Variants in APEH observed in about 807,000 individuals in gnomAD.
The protein encoded by APEH is acylaminoacyl-peptide hydrolase.
Under a neutral mutation model 102.7 loss-of-function variants are expected in APEH, and 75 were observed. The observed-to-expected ratio is 0.73, with a 90% CI of 0.61 to 0.89. The LOEUF (loss-of-function observed/expected upper bound fraction) is 0.89. Ranked by LOEUF, APEH falls within the 40% of genes least tolerant of loss-of-function variation. APEH has a pLI of 0.00. For synonymous variants in APEH, 344 were observed against 362.7 expected (o/e 0.95, Z 0.59); for missense variants, 863 against 941.2 (o/e 0.92, Z 1.09).
chr3:49,674,759 C>G lies in APEH; in HGVS notation c.145+138C>G. On this transcript the variant is annotated intron_variant, in intron 2 of 21. Coordinates refer to ENST00000296456, the MANE Select transcript of APEH (RefSeq NM_001640.4). ...CCTGGACTTGGAGGTTACACTCCCA[C>G]AGGTCCCTGCACACAGGTGTGTGGA... 3 of 1,216,824 alleles carry G rather than the reference C, an allele frequency of 2.5e-6. No homozygotes were observed. The South Asian group carries it at 4.4e-5, about 18-fold the overall frequency. 75.4% of individuals were successfully genotyped at this position (1,216,824 alleles called of 1,614,324 possible).
At chr3:49,674,241 C>G (rs982052212), upstream of APEH, 2 of 931,200 alleles carry the variant, frequency 2.1e-6, no homozygotes, top group Admixed American at 3.0e-5. Context: ...AAGGCCCGCC[C>G]CCTGCCAACG....
At chr3:49,677,655 G>T (rs1168324187) in intron 11 of APEH, 22 bp downstream of exon 11, 1 of 1,596,320 alleles carries the variant, frequency 6.3e-7, no homozygotes, top group Admixed American at 1.7e-5. Flanking sequence ...CTGGCTGGGT[G>T]GGTGCAGTGG....
At position 49,675,221 on chromosome 3, in the gene APEH, C is replaced by T. The variant is rs577640330; in HGVS notation, c.184C>T (p.Arg62Ter). ...QRDLERMENI[R>*]FCRQYLVFHD... ...GGACCTGGAACGCATGGAGAACATT[C>T]GATTCTGCCGCCAATACCTGGTGTT... Residue 62 changes from arginine to a stop codon, truncating the protein, a stop_gained, in exon 3 of 22, where the codon CGA becomes TGA. Transcript: ENST00000296456. LOFTEE classifies it high-confidence loss of function. The T allele has an allele frequency of 6.2e-6, 10 of 1,613,992 alleles. No homozygotes were observed. The highest frequency in any genetic ancestry group is 4.4e-5 in the South Asian group (4 of 91,062).
intron 10 of APEH, 39 bp from the exon 11 acceptor site, chr3:49,677,534 C>A: frequency 6.3e-7 from 1 of 1,582,808 alleles, no homozygotes; most frequent in East Asian, 2.2e-5. Flanking sequence ...AGGGAACTGC[C>A]TGTCCCCTAC....
Position 49,674,432 on chromosome 3 carries a change from G to A in APEH, c.12+19G>A. ...ACGTCAGGTGAGGGCTCGGCCCGCG[G>A]TCCCCGTGGTCCCTGCAGCCCGGGC... On this transcript the variant is annotated intron_variant, in intron 1 of 21. Transcript: ENST00000296456. 1.3e-6 allele frequency: 2 copies of A among 1,571,976 alleles called. No homozygotes were observed. Among genetic ancestry groups the A allele is most frequent in the Non-Finnish European group, 1.7e-6 (2 of 1,165,286 alleles).
intron 6 of APEH, 50 bp downstream of exon 6, chr3:49,676,269 G>C: frequency 6.2e-7 from 1 of 1,611,424 alleles, no homozygotes; most frequent in Non-Finnish European, 8.5e-7. Flanking sequence ...CTGGGGCTCA[G>C]TGTGCTCCCT....
In APEH at chr3:49,682,854, AG is replaced by A. The variant is rs1457218580; in HGVS notation, c.1897del (p.Ala633LeufsTer31). 1 of 1,614,048 alleles carries A rather than the reference AG, an allele frequency of 6.2e-7. No homozygotes were observed. The highest frequency in any genetic ancestry group is 8.5e-7 in the Non-Finnish European group (1 of 1,180,026). On this transcript the variant is annotated frameshift_variant, in exon 20 of 22. Transcript: ENST00000296456. LOFTEE classifies it high-confidence loss of function. ...TCGGTGTCTTGCAGGTGCGTGGTGG[AG>A]GCTGGCTTTCCTTTCAGCAGTGACT... ...STDIPDWCVV[E>X]AGFPFSSDCL...
Position 49,677,557 on chromosome 3 carries a change from T to C in APEH, c.1000-16T>C, listed in dbSNP as rs1260568565. The C allele has an allele frequency of 2.5e-6, 4 of 1,608,450 alleles. No homozygotes were observed. The highest frequency in any genetic ancestry group is 3.4e-6 in the Non-Finnish European group (4 of 1,175,184). ...GCCTGTCCCCTACTGGACCTGACCA[T>C]TGTGTTCTCTTGCAGTATGACTGGT... On this transcript the variant is annotated splice_polypyrimidine_tract_variant and intron_variant, in intron 10 of 21. Transcript: ENST00000296456.
Position 49,682,711 on chromosome 3 carries a change from T to G in APEH, c.1858T>G (p.Leu620Val), listed in dbSNP as rs150481694. Residue 620 changes from leucine to valine, a missense_variant, in exon 19 of 22, where the codon TTG becomes GTG. Coordinates refer to ENST00000296456, the MANE Select transcript of APEH (RefSeq NM_001640.4). ...RNPVINIASM[L>V]GSTDIPDWCV... is the part of the protein sequence containing the mutation. ...CCCCGTGATCAACATCGCCTCCATG[T>G]TGGGCTCCACTGACATCCCTGACTG... 2 of 1,613,848 alleles carry G rather than the reference T, an allele frequency of 1.2e-6. No homozygotes were observed. The highest frequency in any genetic ancestry group is 1.7e-6 in the Non-Finnish European group (2 of 1,180,008).
chr3:49,680,741 G>T, intron 14 of APEH, 112 bp downstream of exon 14: 1 of 979,392 alleles, frequency 1.0e-6, no homozygotes, highest in Non-Finnish European at 1.6e-6. Context: ...ATACAGACGG[G>T]CCAAGACACA....
Position 49,681,112 on chromosome 3 carries a change from C to T in APEH, c.1311C>T (p.Phe437=), listed in dbSNP as rs2053298592. ...PSLPPTLKVG[F]LPSAGKEQSV... The stretch of plus-strand genomic sequence containing the variant: ...TTTCCCCTTGGCAGAAAGTTGGGTT[C>T]CTGCCTTCTGCAGGGAAGGAGCAGT... The change falls in exon 15 of 22, where the codon TTC becomes TTT. Residue 437 remains phenylalanine, a synonymous_variant. Coordinates refer to ENST00000296456, the MANE Select transcript of APEH (RefSeq NM_001640.4). 1.3e-6 allele frequency: 2 copies of T among 1,586,854 alleles called. No homozygotes were observed. The highest frequency in any genetic ancestry group is 1.7e-6 in the Non-Finnish European group (2 of 1,166,110).
chr3:49,683,055 T>C lies in APEH; in HGVS notation c.2002T>C (p.Leu668=). Residue 668 remains leucine, a synonymous_variant, in exon 21 of 22, where the codon TTA becomes CTA. Transcript: ENST00000296456. ...AAACACCCAGGTGAAGACACCACTG[T>C]TACTGATGTTGGGCCAGGAGGACCG... ...RYIPQVKTPL[L]LMLGQEDRRV... The C allele has an allele frequency of 6.2e-7, 1 of 1,613,996 alleles. No homozygotes were observed. The highest frequency in any genetic ancestry group is 8.5e-7 in the Non-Finnish European group (1 of 1,179,972).
chr3:49,680,471 C>G, intron 13 of APEH, 70 bp from the exon 14 acceptor site: 1 of 1,399,506 alleles, frequency 7.1e-7, no homozygotes, highest in Non-Finnish European at 1.0e-6. Context: ...GCCTGGGACT[C>G]TGTTACAGAG....
chr3:49,683,474 C>T lies in APEH; in HGVS notation c.*132C>T. 1 of 749,734 alleles carries T rather than the reference C, an allele frequency of 1.3e-6. No homozygotes were observed. The highest frequency in any genetic ancestry group is 2.3e-6 in the Non-Finnish European group (1 of 442,616). The allele number at this position is 749,734 out of a possible 1,614,324, so 46.4% of individuals were successfully genotyped here. On this transcript the variant is annotated 3_prime_UTR_variant, in exon 22 of 22. Transcript: ENST00000296456. ...GGATGCGTGGGCAGAGGAATGTGGG[C>T]TATGTAGTCATAATAAATTAGGACA...
rs369889252 is a variant in APEH at position 49,682,936 on chromosome 3, C to T, written c.1977C>T (p.Tyr659=). ...TGCTGGACAAATCGCCCATCAGATA[C>T]ATCCCTCAGGTATGCAGCCCCCTCC... ...AEMLDKSPIR[Y]IPQVKTPLLL... Residue 659 remains tyrosine, a synonymous_variant, in exon 20 of 22, where the codon TAC becomes TAT. Transcript: ENST00000296456. 6.2e-6 allele frequency: 10 copies of T among 1,613,768 alleles called. No individual in the cohort carries two copies. The highest frequency in any genetic ancestry group is 5.0e-5 in the Admixed American group (3 of 59,980).
At position 49,681,891 on chromosome 3, in the gene APEH, G is replaced by T. The variant is rs201882129; in HGVS notation, c.1527G>T (p.Gly509=). ...CCCTCCGCTCCCTGTCTGCAGGGGGGCCCCATTCATCCTTTGTCACTGCCT... is the reference window on the plus strand; with the variant it reads ...CCCTCCGCTCCCTGTCTGCAGGGGGTCCCCATTCATCCTTTGTCACTGCCT... ...QVPMVVMPHG[G]PHSSFVTAWM... is the part of the protein sequence containing the mutation. The change falls in exon 17 of 22, where the codon GGG becomes GGT. Residue 509 remains glycine (G), a synonymous_variant. Transcript: ENST00000296456. The T allele has an allele frequency of 2.5e-6, 4 of 1,614,068 alleles. No homozygotes were observed. The highest frequency in any genetic ancestry group is 2.2e-5 in the East Asian group (1 of 44,874).
At chr3:49,674,454 G>A in intron 1 of APEH, 35 bp from the exon 2 acceptor site, 3 of 1,570,064 alleles carry the variant, frequency 1.9e-6, no homozygotes, top group East Asian at 2.3e-5. Context: ...CCTGCAGCCC[G>A]GGCCGGGCCT....
At position 49,676,648 on chromosome 3, in the gene APEH, G is replaced by T; in HGVS notation, c.784G>T (p.Gly262Cys). 1 of 1,614,252 alleles carries T rather than the reference G, an allele frequency of 6.2e-7. No homozygotes were observed. Among genetic ancestry groups the T allele is most frequent in the African/African-American group, 1.3e-5 (1 of 75,072 alleles). ...TGGAGATGCTGGTGTGGTGTTTGTGGGCTGGTGGCATGAGCCCTTCCGGTT... is the reference window on the plus strand; with the variant it reads ...TGGAGATGCTGGTGTGGTGTTTGTGTGCTGGTGGCATGAGCCCTTCCGGTT... ...APGDAGVVFV[G>C]WWHEPFRLGI... is the part of the protein sequence containing the mutation. The change falls in exon 8 of 22, where the codon GGC becomes TGC. Residue 262 changes from glycine (G) to cysteine (C), a missense_variant. Gly to Cys is a radical substitution (Grantham distance 159). Coordinates refer to ENST00000296456, the MANE Select transcript of APEH (RefSeq NM_001640.4).
intron 5 of APEH, 35 bp downstream of exon 5, chr3:49,676,001 C>CA: frequency 6.2e-7 from 1 of 1,614,160 alleles, no homozygotes; most frequent in Non-Finnish European, 8.5e-7. Flanking sequence ...GCAGGGTGGA[C>CA]AGGAGGGGTA....
Sources: allele counts gnomAD v4.1 joint callset, GRCh38; gene constraint gnomAD v4.1.1; transcripts MANE v1.5; gene names NCBI Gene and HGNC (gene_info 2026-07-23, HGNC 2026-07-21).